The following MMS22L variants were observed in gnomAD, a reference collection of about 807,000 sequenced individuals.
MMS22L encodes the protein MMS22 like, DNA repair protein.
In MMS22L, 74 loss-of-function variants were observed where a neutral mutation model predicts 159.1. The ratio of observed to expected loss-of-function variants is 0.47; its 90% CI spans 0.39 to 0.56. The LOEUF (loss-of-function observed/expected upper bound fraction) is 0.56, where lower values mean the gene tolerates loss of function less well. MMS22L is among the 20% of genes least tolerant of loss of function. MMS22L has a pLI of 0.00. For missense variants in MMS22L, 1,351 were observed against 1,422.1 expected (o/e 0.95, Z 0.80); for synonymous variants, 517 against 506.9 (o/e 1.02, Z -0.27).
chr6:97,228,250 G>A (rs1195598355), intron 14 of MMS22L, among the ~76,000 whole-genome samples: 2 of 152,142 alleles, frequency 1.3e-5, no homozygotes, highest in Non-Finnish European at 2.9e-5. Context: ...GGGGAAGGAA[G>A]GGCTAAGAGA....
Position 97,145,348 on chromosome 6 carries a change from C to G in MMS22L, c.*1458G>C, listed in dbSNP as rs1800885408. 1 of 152,146 alleles carries G rather than the reference C, an allele frequency of 6.6e-6. No homozygotes were observed. Among genetic ancestry groups the G allele is most frequent in the African/African-American group, 2.4e-5 (1 of 41,430 alleles). The allele number at this position is 152,146 out of a possible 1,614,324, so 9.4% of individuals were successfully genotyped here. A position where few individuals can be genotyped will look rare whatever the true frequency, so the allele number is the denominator to read the frequency against. On this transcript the variant is annotated 3_prime_UTR_variant, in exon 25 of 25. Coordinates refer to ENST00000683635, the MANE Select transcript of MMS22L (RefSeq NM_001350599.2). ...ATAATTAAGAGAACGCTATTAACTA[C>G]AGAATACTGATTGCAAAGTATTTCA...
At chr6:97,233,230 C>T (rs918014473) in intron 12 of MMS22L, among the ~76,000 whole-genome samples, 5 of 152,088 alleles carry the variant, frequency 3.3e-5, no homozygotes, top group African/African-American at 9.7e-5. Context: ...CATAGTTATC[C>T]GAGGCCTATA....
intron 22 of MMS22L, among the ~76,000 whole-genome samples, chr6:97,161,765 T>C (rs539520998): frequency 2.2e-4 from 34 of 152,090 alleles, no homozygotes; most frequent in Middle Eastern, 6.8e-3. Flanking sequence ...AATAAACTAT[T>C]TGCCTCAAGG....
chr6:97,275,676 T>G (rs968539151), intron 4 of MMS22L, among the ~76,000 whole-genome samples: 3 of 152,010 alleles, frequency 2.0e-5, no homozygotes, highest in Non-Finnish European at 2.9e-5. Flanking sequence ...ACACACACAA[T>G]AGCTGAGACA....
intron 22 of MMS22L, among the ~76,000 whole-genome samples, chr6:97,159,440 T>C (rs1232002195): frequency 3.3e-5 from 5 of 152,062 alleles, no homozygotes; most frequent in African/African-American, 4.8e-5. Flanking sequence ...CTCTATTTAT[T>C]TCTCTCCCTT....
intron 10 of MMS22L, chr6:97,253,886 T>C: frequency 6.6e-6 from 1 of 152,242 alleles, no homozygotes; most frequent in Middle Eastern, 3.2e-3. Flanking sequence ...GCTTATTTTA[T>C]GGAGCTGATA....
At chr6:97,195,583 T>G (rs942695864) in intron 14 of MMS22L, among the ~76,000 whole-genome samples, 1 of 152,196 alleles carries the variant, frequency 6.6e-6, no homozygotes, top group Non-Finnish European at 1.5e-5. Context: ...CTTCATTCAC[T>G]TCAGAAGAAG....
intron 14 of MMS22L, among the ~76,000 whole-genome samples, chr6:97,197,506 T>C (rs747995213): frequency 2.4e-4 from 37 of 152,188 alleles, no homozygotes; most frequent in Non-Finnish European, 4.7e-4. Flanking sequence ...AGATCATCTC[T>C]GAAAATAATC....
At chr6:97,272,677 T>C (rs537251251) in intron 6 of MMS22L, 27 bp downstream of exon 6, 215 of 1,578,942 alleles carry the variant, frequency 1.4e-4, no homozygotes, top group Non-Finnish European at 1.8e-4. Context: ...AGCTGATAAT[T>C]TAAAAATCAA....
At chr6:97,243,712 CA>C (rs1002964760) in intron 11 of MMS22L, among the ~76,000 whole-genome samples, 1 of 152,026 alleles carries the variant, frequency 6.6e-6, no homozygotes, top group African/African-American at 2.4e-5. Context: ...TTGGATAGAC[CA>C]TATCCAGAGG....
intron 9 of MMS22L, chr6:97,261,723 T>C (rs909380521): frequency 1.4e-4 from 21 of 152,258 alleles, no homozygotes; most frequent in African/African-American, 4.8e-4. Flanking sequence ...GATTTTGCTG[T>C]TCTATATTTT....
intron 14 of MMS22L, among the ~76,000 whole-genome samples, chr6:97,221,153 G>T (rs1809601130): frequency 6.6e-6 from 1 of 152,038 alleles, no homozygotes; most frequent in African/African-American, 2.4e-5. Context: ...ATTCATTATT[G>T]CATATAATTC....
In MMS22L at chr6:97,149,872, C is replaced by T; in HGVS notation, c.3631G>A (p.Gly1211Ser). The change falls in exon 24 of 25, where the codon GGC (glycine) becomes AGC (serine). Residue 1211 changes from glycine (G) to serine (S), a missense_variant. By Grantham distance (56) the Gly-to-Ser change is moderately conservative. Transcript: ENST00000683635. ...LKDSEQKWGL[G>S]RNIAQREAYS... ...ACATACCTTTGTGCTATATTCCTGC[C>T]AAGGCCCCATTTCTGCTCTGAATCC... 6.2e-7 allele frequency: 1 copy of T among 1,611,378 alleles called. No individual in the cohort carries two copies. The highest frequency in any genetic ancestry group is 8.5e-7 in the Non-Finnish European group (1 of 1,178,624).
chr6:97,181,796 G>T, intron 16 of MMS22L, 108 bp downstream of exon 16: 1 of 1,110,120 alleles, frequency 9.0e-7, no homozygotes, highest in Non-Finnish European at 1.2e-6. Flanking sequence ...CAAAGTGAGA[G>T]TATATGTAGT....
intron 1 of MMS22L, 43 bp downstream of exon 1, chr6:97,283,053 A>T (rs1816917019): frequency 6.6e-6 from 1 of 152,350 alleles, no homozygotes; most frequent in African/African-American, 2.4e-5. Flanking sequence ...ACCCGGCTGC[A>T]GCAAGGACCC....
At chr6:97,151,194 G>T (rs771118858) in intron 23 of MMS22L, among the ~76,000 whole-genome samples, 1 of 152,182 alleles carries the variant, frequency 6.6e-6, no homozygotes, top group Non-Finnish European at 1.5e-5. Context: ...TGACATTTCA[G>T]TCAATGACAG....
rs1434707637 is a variant in MMS22L at position 97,146,795 on chromosome 6, C to T, written c.*11G>A. On this transcript the variant is annotated 3_prime_UTR_variant, in exon 25 of 25. Transcript: ENST00000683635. ...CTGATAATTAATAGACAGGATGAAT[C>T]ACAAAATATATTAAGTATTATCATT... 14 of 1,544,098 alleles carry T rather than the reference C, an allele frequency of 9.1e-6. No individual in the cohort carries two copies. Among genetic ancestry groups the T allele is most frequent in the Middle Eastern group, 1.7e-4 (1 of 5,830 alleles).
At chr6:97,270,215 C>A in intron 6 of MMS22L, 1 of 607,792 alleles carries the variant, frequency 1.6e-6, no homozygotes, top group Non-Finnish European at 3.0e-6. Context: ...AAGACAAACC[C>A]ACCTTGGGGC....
intron 4 of MMS22L, among the ~76,000 whole-genome samples, chr6:97,276,361 G>A (rs1488130785): frequency 6.6e-6 from 1 of 152,162 alleles, no homozygotes; most frequent in Non-Finnish European, 1.5e-5. Context: ...CACTGCAGTG[G>A]TTTCAGGTTA....
Sources: gnomAD v4.1 joint callset for allele counts (sites outside exome capture counted in the v4.1 genomes callset) on GRCh38, gnomAD v4.1.1 for gene constraint, MANE v1.5 for transcripts, NCBI Gene and HGNC (gene_info 2026-07-23, HGNC 2026-07-21) for gene names.